The following CNTNAP5 variants were observed in gnomAD, a reference collection of about 807,000 sequenced individuals.
The protein encoded by CNTNAP5 is contactin-associated protein-like 5.
Under a neutral mutation model 150.2 loss-of-function variants are expected in CNTNAP5, and 72 were observed. The ratio of observed to expected loss-of-function variants is 0.48; its 90% CI spans 0.40 to 0.58. CNTNAP5 has a LOEUF of 0.58. CNTNAP5 is among the 20% of genes least tolerant of loss of function. CNTNAP5 has a pLI of 0.00. For missense variants in CNTNAP5, 1,636 were observed against 1,626.2 expected, an observed-to-expected ratio of 1.01 and a Z score of -0.10; for synonymous variants, 672 against 619.8, an observed-to-expected ratio of 1.08 and a Z score of -1.25.
At chr2:124,546,299 T>C (rs950582710) in intron 10 of CNTNAP5, among the ~76,000 whole-genome samples, 4 of 152,184 alleles carry the variant, frequency 2.6e-5, no homozygotes, top group African/African-American at 9.7e-5. Flanking sequence ...ATGTTTTCTT[T>C]GTTCAAATTA....
chr2:124,613,783 G>A (rs189736163), intron 12 of CNTNAP5, among the ~76,000 whole-genome samples: 17 of 152,242 alleles, frequency 1.1e-4, no homozygotes, highest in African/African-American at 4.1e-4. Flanking sequence ...TGCTCAACCA[G>A]CAACCACCCT....
chr2:124,139,180 G>A (rs1360050075), intron 1 of CNTNAP5, among the ~76,000 whole-genome samples: 1 of 151,206 alleles, frequency 6.6e-6, no homozygotes, highest in Non-Finnish European at 1.5e-5. Flanking sequence ...TCTAATCTTT[G>A]ATCAATAAAT....
At chr2:124,503,839 A>G (rs1319526816) in intron 7 of CNTNAP5, among the ~76,000 whole-genome samples, 2 of 151,606 alleles carry the variant, frequency 1.3e-5, no homozygotes, top group Non-Finnish European at 2.9e-5. Flanking sequence ...CCCTTTCCTA[A>G]TTCCTTCCTT....
At chr2:124,294,960 G>T (rs543473561) in intron 3 of CNTNAP5, among the ~76,000 whole-genome samples, 2 of 152,220 alleles carry the variant, frequency 1.3e-5, no homozygotes, top group South Asian at 4.1e-4. Context: ...ACAAAAACTA[G>T]CTGGGTGTGG....
rs556571236 is a variant in CNTNAP5, at chr2:124,057,448, A to ATTTTTTTTTTTTTTTTTTTTTTTTTTT, written c.82+31739_82+31740insTTTTTTTTTTTTTTTTTTTTTTTTTTT. 1.1e-3 allele frequency among the ~76,000 whole-genome samples: 69 copies of ATTTTTTTTTTTTTTTTTTTTTTTTTTT among 62,770 alleles called. 9 individuals carry two copies. Among genetic ancestry groups the ATTTTTTTTTTTTTTTTTTTTTTTTTTT allele is most frequent in the Non-Finnish European group, 1.3e-3 (50 of 37,284 alleles). The allele number at this position is 62,770 out of a possible 152,430, so 41.2% of individuals were successfully genotyped here. A position where few individuals can be genotyped will look rare whatever the true frequency, so the allele number is the denominator to read the frequency against. On this transcript the variant is annotated intron_variant, in intron 1 of 23. Transcript: ENST00000682447. ...AGGCACCCACCAGCACGGCCAGCTA[A>ATTTTTTTTTTTTTTTTTTTTTTTTTTT]TTTTTTTTTTTTTTTTTTTTTTTAG...
intron 1 of CNTNAP5, among the ~76,000 whole-genome samples, chr2:124,111,284 T>A (rs1683292941): frequency 6.6e-6 from 1 of 152,062 alleles, no homozygotes; most frequent in South Asian, 2.1e-4. Flanking sequence ...CTGCTGGAAG[T>A]CCATGATGAA....
chr2:124,202,151 GTATAAGCATTTTAAAC>G (rs1261502532), intron 1 of CNTNAP5, among the ~76,000 whole-genome samples: 1 of 152,044 alleles, frequency 6.6e-6, no homozygotes. Flanking sequence ...AAAAATATTA[GTATAAGCATTTTAAAC>G]TATGTCTAAA....
chr2:124,290,906 A>C, intron 3 of CNTNAP5, among the ~76,000 whole-genome samples: 1 of 117,150 alleles, frequency 8.5e-6, no homozygotes, highest in Admixed American at 8.8e-5. Context: ...TTATTTATTT[A>C]TTTATTTATT....
intron 13 of CNTNAP5, among the ~76,000 whole-genome samples, chr2:124,655,998 AAAAG>A (rs1558722584): frequency 2.1e-4 from 28 of 131,752 alleles, no homozygotes; most frequent in South Asian, 5.0e-4. Flanking sequence ...AAAGAAAGAA[AAAAG>A]GAAGGAAGGA....
At chr2:124,297,825 A>ATTG (rs1688477918) in intron 3 of CNTNAP5, among the ~76,000 whole-genome samples, 1 of 89,290 alleles carries the variant, frequency 1.1e-5, no homozygotes, top group Admixed American at 9.5e-5. Flanking sequence ...TATTATTATT[A>ATTG]TTATTATTAT....
chr2:124,641,326 G>A (rs1291348753), intron 12 of CNTNAP5, among the ~76,000 whole-genome samples: 1 of 151,962 alleles, frequency 6.6e-6, no homozygotes, highest in East Asian at 1.9e-4. Flanking sequence ...CCAGTGGGTG[G>A]CAGAGCTGGC....
At chr2:124,677,564 G>A (rs1678971559) in intron 13 of CNTNAP5, among the ~76,000 whole-genome samples, 1 of 152,144 alleles carries the variant, frequency 6.6e-6, no homozygotes, top group Non-Finnish European at 1.5e-5. Context: ...CAAACCTTTA[G>A]CTAGACACAG....
At chr2:124,407,164 CT>C (rs201331923) in intron 3 of CNTNAP5, among the ~76,000 whole-genome samples, 1,786 of 152,208 alleles carry the variant, frequency 0.012, 39 homozygotes, top group African/African-American at 0.041. Flanking sequence ...TGCAGGTATC[CT>C]TTTGATATAC....
At chr2:124,537,600 G>T (rs1268228781) in intron 10 of CNTNAP5, among the ~76,000 whole-genome samples, 1 of 152,078 alleles carries the variant, frequency 6.6e-6, no homozygotes, top group Non-Finnish European at 1.5e-5. Flanking sequence ...ACTTTGTAAA[G>T]GTGTTCCATC....
chr2:124,311,519 ACT>A (rs1341226456), intron 3 of CNTNAP5, among the ~76,000 whole-genome samples: 1 of 152,208 alleles, frequency 6.6e-6, no homozygotes, highest in Non-Finnish European at 1.5e-5. Flanking sequence ...CACCAATCCT[ACT>A]AGGTCTCCAC....
At chr2:124,237,526 GT>G (rs1212625946) in intron 2 of CNTNAP5, among the ~76,000 whole-genome samples, 4 of 152,050 alleles carry the variant, frequency 2.6e-5, no homozygotes, top group African/African-American at 9.7e-5. Flanking sequence ...GTTTTGTTTT[GT>G]TTTGTTTTTC....
In CNTNAP5 at chr2:124,648,388, G is replaced by A. The variant is rs180780048; in HGVS notation, c.2077+430G>A. Reference sequence around the variant, plus strand: ...GAGAGGGATGAGTTATGTCTGGGGTGGAGGATGCCTGGATGCCTAAGGGGG... The same window carrying A: ...GAGAGGGATGAGTTATGTCTGGGGTAGAGGATGCCTGGATGCCTAAGGGGG... On this transcript the variant is annotated intron_variant, in intron 13 of 23. Transcript: ENST00000682447. Among the ~76,000 whole-genome samples the A allele has an allele frequency of 1.1e-4, 17 of 152,240 alleles. No homozygotes were observed. The East Asian group carries it at 3.1e-3, about 28-fold the overall frequency.
chr2:124,116,580 A>G (rs1683434867), intron 1 of CNTNAP5, among the ~76,000 whole-genome samples: 1 of 152,204 alleles, frequency 6.6e-6, no homozygotes. Context: ...CACTGCACAT[A>G]CATTGAGCTG....
chr2:124,503,173 A>T (rs895863303), intron 7 of CNTNAP5, among the ~76,000 whole-genome samples: 1 of 152,208 alleles, frequency 6.6e-6, no homozygotes, highest in Non-Finnish European at 1.5e-5. Flanking sequence ...TCATGCAATA[A>T]TATGCTCATA....
Sources: allele counts gnomAD v4.1 joint callset (sites outside exome capture counted in the v4.1 genomes callset), GRCh38; gene constraint gnomAD v4.1.1; transcripts MANE v1.5; gene names NCBI Gene and HGNC (gene_info 2026-07-23, HGNC 2026-07-21).